The following FRMD3 variants were observed in gnomAD, a reference collection of about 807,000 sequenced individuals.
The protein encoded by FRMD3 is FERM domain containing 3, also known as FERM domain-containing protein 3.
Under a neutral mutation model 70.2 loss-of-function variants are expected in FRMD3, and 33 were observed. The observed-to-expected ratio is 0.47, with a 90% CI of 0.36 to 0.63. FRMD3 has a LOEUF of 0.63. FRMD3 is among the 20% of genes least tolerant of loss of function. FRMD3 has a pLI of 0.00. For missense variants in FRMD3, 632 were observed against 711.4 expected (o/e 0.89, Z 1.27); for synonymous variants, 279 against 255.9 (o/e 1.09, Z -0.86).
rs545323090 is a variant in FRMD3 at position 83,437,470 on chromosome 9, T to G, written c.148-47762A>C. ...TTTGTATGAGAGTCATACTTTTAAT[T>G]TATTGAAAATTACACCTTGAGATTT... On this transcript the variant is annotated intron_variant, in intron 1 of 13. Transcript: ENST00000304195. 8.5e-5 allele frequency among the ~76,000 whole-genome samples: 13 copies of G among 152,330 alleles called. No homozygotes were observed. The South Asian group carries it at 2.7e-3, about 32-fold the overall frequency.
intron 1 of FRMD3, among the ~76,000 whole-genome samples, chr9:83,422,089 G>A (rs1272508640): frequency 6.6e-6 from 1 of 152,172 alleles, no homozygotes; most frequent in African/African-American, 2.4e-5. Context: ...GCTGGGTGTG[G>A]TGGTGCATGC....
At position 83,247,588 on chromosome 9, in the gene FRMD3, C is replaced by T; in HGVS notation, c.*330G>A. On this transcript the variant is annotated 3_prime_UTR_variant, in exon 14 of 14. Coordinates refer to ENST00000304195, the MANE Select transcript of FRMD3 (RefSeq NM_174938.6). The stretch of plus-strand genomic sequence containing the variant: ...TGAACCTTATAGCTTATAATGGTGC[C>T]AACTATTAGAAATGGGAAAATCTAA... The T allele has an allele frequency of 9.7e-7, 1 of 1,027,796 alleles. No individual in the cohort carries two copies. Among genetic ancestry groups the T allele is most frequent in the Non-Finnish European group, 1.2e-6 (1 of 855,384 alleles). 63.7% of individuals were successfully genotyped at this position (1,027,796 alleles called of 1,614,324 possible). A position where few individuals can be genotyped will look rare whatever the true frequency, so the allele number is the denominator to read the frequency against.
chr9:83,437,791 TC>T (rs1196717537), intron 1 of FRMD3, among the ~76,000 whole-genome samples: 1 of 152,182 alleles, frequency 6.6e-6, no homozygotes, highest in Non-Finnish European at 1.5e-5. Flanking sequence ...ACCTTCCTGA[TC>T]CTAGTACTTG....
At chr9:83,503,024 A>G (rs963782215) in intron 1 of FRMD3, among the ~76,000 whole-genome samples, 1 of 152,204 alleles carries the variant, frequency 6.6e-6, no homozygotes, top group African/African-American at 2.4e-5. Flanking sequence ...CAGTGTAATT[A>G]GCAGTAGTAC....
At chr9:83,273,110 C>G (rs1833663852) in intron 13 of FRMD3, among the ~76,000 whole-genome samples, 1 of 152,096 alleles carries the variant, frequency 6.6e-6, no homozygotes, top group Non-Finnish European at 1.5e-5. Flanking sequence ...CTCTGCCCGG[C>G]TGCCACCCCA....
intron 1 of FRMD3, among the ~76,000 whole-genome samples, chr9:83,452,648 A>AT (rs1233085734): frequency 6.6e-6 from 1 of 151,414 alleles, no homozygotes; most frequent in East Asian, 2.0e-4. Context: ...CACCCAGCTA[A>AT]TTTTTTTGTA....
At chr9:83,320,232 C>T (rs547449445) in intron 6 of FRMD3, among the ~76,000 whole-genome samples, 14 of 152,154 alleles carry the variant, frequency 9.2e-5, no homozygotes, top group Non-Finnish European at 1.5e-4. Context: ...GTCTTGTTCC[C>T]GTTCTCAGAG....
chr9:83,323,557 A>C (rs1835892111), intron 6 of FRMD3, among the ~76,000 whole-genome samples: 1 of 152,144 alleles, frequency 6.6e-6, no homozygotes, highest in Non-Finnish European at 1.5e-5. Context: ...TGCCCTCTTC[A>C]TGTGCTGCCT....
chr9:83,473,044 CT>C (rs1471998161), intron 1 of FRMD3, among the ~76,000 whole-genome samples: 1 of 152,194 alleles, frequency 6.6e-6, no homozygotes, highest in Non-Finnish European at 1.5e-5. Context: ...CCTTCCAACG[CT>C]TTCTGCATCC....
intron 1 of FRMD3, among the ~76,000 whole-genome samples, chr9:83,419,509 A>G (rs1373074182): frequency 6.8e-6 from 1 of 147,580 alleles, no homozygotes; most frequent in Non-Finnish European, 1.5e-5. Context: ...ATGTGTGTTG[A>G]GTGTGTGTGA....
chr9:83,304,072 T>C (rs571585421), intron 10 of FRMD3, among the ~76,000 whole-genome samples: 2 of 152,244 alleles, frequency 1.3e-5, no homozygotes, highest in Admixed American at 6.5e-5. Flanking sequence ...CAGTTCTCCA[T>C]TCCTTTCTAT....
intron 2 of FRMD3, among the ~76,000 whole-genome samples, chr9:83,376,980 A>G (rs1162903656): frequency 6.6e-6 from 1 of 152,050 alleles, no homozygotes; most frequent in Non-Finnish European, 1.5e-5. Context: ...TGAAATGAAA[A>G]TACTATTTTT....
At chr9:83,499,295 T>C (rs539473518) in intron 1 of FRMD3, among the ~76,000 whole-genome samples, 120 of 152,218 alleles carry the variant, frequency 7.9e-4, no homozygotes, top group African/African-American at 2.7e-3. Flanking sequence ...ACAGGGCCAG[T>C]GCTTTCAAAC....
At chr9:83,556,942 A>G in the FRMD3 span, among the ~76,000 whole-genome samples, 1 of 152,134 alleles carries the variant, frequency 6.6e-6, no homozygotes, top group African/African-American at 2.4e-5. Flanking sequence ...ATTTTAAAAC[A>G]TTCTTAAGAA....
At chr9:83,442,644 G>GA (rs574879845) in intron 1 of FRMD3, among the ~76,000 whole-genome samples, 53 of 151,842 alleles carry the variant, frequency 3.5e-4, no homozygotes, top group Non-Finnish European at 6.8e-4. Context: ...ATCCTCAGTG[G>GA]AGGGGGGGTA....
At chr9:83,440,261 T>C (rs1044171528) in intron 1 of FRMD3, among the ~76,000 whole-genome samples, 12 of 152,246 alleles carry the variant, frequency 7.9e-5, no homozygotes, top group Admixed American at 7.9e-4. Flanking sequence ...GACCAAACTG[T>C]CATTTAGATT....
chr9:83,563,831 G>A, the FRMD3 span, among the ~76,000 whole-genome samples: 1 of 152,188 alleles, frequency 6.6e-6, no homozygotes, highest in African/African-American at 2.4e-5. Flanking sequence ...AGATGCCTGG[G>A]GATTTGCAGA....
chr9:83,478,794 A>G (rs1192518406), intron 1 of FRMD3, among the ~76,000 whole-genome samples: 5 of 152,188 alleles, frequency 3.3e-5, no homozygotes, highest in African/African-American at 1.2e-4. Context: ...ATACACATAC[A>G]ATGCAATATA....
intron 3 of FRMD3, among the ~76,000 whole-genome samples, chr9:83,363,567 T>TTA (rs1244888653): frequency 6.1e-5 from 9 of 148,452 alleles, no homozygotes; most frequent in Admixed American, 5.3e-4. Context: ...TTTTTTTTTT[T>TTA]TTTTTTGAGA....
Sources: gnomAD v4.1 joint callset for allele counts (sites outside exome capture counted in the v4.1 genomes callset) on GRCh38, gnomAD v4.1.1 for gene constraint, MANE v1.5 for transcripts, NCBI Gene and HGNC (gene_info 2026-07-23, HGNC 2026-07-21) for gene names.